Variants in ATG10 observed in about 807,000 individuals in gnomAD.
ATG10 encodes the protein ubiquitin-like-conjugating enzyme ATG10.
Under a neutral mutation model 32.1 loss-of-function variants are expected in ATG10, and 30 were observed. That is an observed-to-expected ratio of 0.94 (90% CI 0.70 to 1.27). The LOEUF is 1.27. Among genes scored for constraint, ATG10 ranks in the 50% most tolerant of loss-of-function variants. The pLI is 0.00. For missense variants in ATG10, 233 were observed against 262.3 expected (o/e 0.89, Z 0.77); for synonymous variants, 87 against 91.5 (o/e 0.95, Z 0.28).
intron 4 of ATG10, among the ~76,000 whole-genome samples, chr5:82,171,896 C>G (rs1421480806): frequency 6.6e-6 from 1 of 152,082 alleles, no homozygotes; most frequent in Non-Finnish European, 1.5e-5. Flanking sequence ...TAAAGGAAAT[C>G]AGAGATGGAT....
intron 5 of ATG10, among the ~76,000 whole-genome samples, chr5:82,194,709 G>T (rs1480072709): frequency 6.6e-6 from 1 of 152,166 alleles, no homozygotes; most frequent in Non-Finnish European, 1.5e-5. Context: ...TCACAAGGAG[G>T]CAGTTTCTAA....
At chr5:81,976,167 ATT>A (rs34643030) in intron 1 of ATG10, 30 of 141,018 alleles carry the variant, frequency 2.1e-4, no homozygotes, top group African/African-American at 3.9e-4. Context: ...TGCCCGGCTA[ATT>A]TTTTTTTTTT....
intron 5 of ATG10, among the ~76,000 whole-genome samples, chr5:82,197,124 T>C (rs761344790): frequency 6.6e-6 from 1 of 152,340 alleles, no homozygotes; most frequent in East Asian, 1.9e-4. Flanking sequence ...ATTAAATTTA[T>C]TCCTACATAT....
intron 2 of ATG10, among the ~76,000 whole-genome samples, chr5:82,043,023 G>A (rs547002423): frequency 6.6e-6 from 1 of 152,242 alleles, no homozygotes; most frequent in South Asian, 2.1e-4. Context: ...CTCTGTGTAG[G>A]GGCTCCAACC....
intron 3 of ATG10, among the ~76,000 whole-genome samples, chr5:82,095,074 A>G (rs1367744002): frequency 6.6e-6 from 1 of 152,162 alleles, no homozygotes; most frequent in East Asian, 1.9e-4. Flanking sequence ...TCAGCTAAAA[A>G]TTAAATAAAT....
At chr5:82,135,602 G>T (rs1025089700) in intron 3 of ATG10, among the ~76,000 whole-genome samples, 17 of 152,148 alleles carry the variant, frequency 1.1e-4, no homozygotes, top group South Asian at 8.3e-4. Context: ...TATGATTTCT[G>T]TTCTTTTGCA....
intron 3 of ATG10, among the ~76,000 whole-genome samples, chr5:82,061,802 A>G (rs895257748): frequency 6.8e-6 from 1 of 146,418 alleles, no homozygotes; most frequent in African/African-American, 2.5e-5. Context: ...ACGTATACAT[A>G]CATATACACA....
intron 3 of ATG10, among the ~76,000 whole-genome samples, chr5:82,068,518 G>T (rs1022565693): frequency 6.6e-6 from 1 of 151,458 alleles, no homozygotes; most frequent in Admixed American, 6.6e-5. Flanking sequence ...TGCACATTCT[G>T]CATTCTGCAC....
intron 5 of ATG10, among the ~76,000 whole-genome samples, chr5:82,236,901 TA>T (rs1362893566): frequency 6.6e-6 from 1 of 152,200 alleles, no homozygotes; most frequent in Non-Finnish European, 1.5e-5. Context: ...CTTTCCCACA[TA>T]TTTTTTTTCT....
At chr5:82,168,074 T>A (rs1473409797) in intron 4 of ATG10, among the ~76,000 whole-genome samples, 1 of 152,128 alleles carries the variant, frequency 6.6e-6, no homozygotes, top group African/African-American at 2.4e-5. Flanking sequence ...ATGCTGTTTT[T>A]TTTTTCTTTT....
At chr5:82,135,228 G>A (rs1766675803) in intron 3 of ATG10, among the ~76,000 whole-genome samples, 2 of 152,040 alleles carry the variant, frequency 1.3e-5, no homozygotes. Flanking sequence ...GTCTTCTTCA[G>A]TTCTGCTCTG....
chr5:82,069,291 A>G (rs964538080), intron 3 of ATG10, among the ~76,000 whole-genome samples: 1 of 152,074 alleles, frequency 6.6e-6, no homozygotes, highest in African/African-American at 2.4e-5. Context: ...GAGATTGACT[A>G]CTTGTCTGGA....
rs76804287 is a variant in ATG10, at chr5:81,977,135, C to T, written c.-13+4829C>T. On this transcript the variant is annotated intron_variant, in intron 1 of 7. Coordinates refer to ENST00000282185, the MANE Select transcript of ATG10 (RefSeq NM_031482.5). ...AGGCAATCCACCTGCCTTGTCCTCCCGAAGTGCTAGGATTACTTTGCCTGA... is the reference window on the plus strand; with the variant it reads ...AGGCAATCCACCTGCCTTGTCCTCCTGAAGTGCTAGGATTACTTTGCCTGA... Among the ~76,000 whole-genome samples the T allele has an allele frequency of 4.2e-3, 642 of 152,236 alleles. 1 individual carries two copies. Among genetic ancestry groups the T allele is most frequent in the Non-Finnish European group, 7.5e-3 (507 of 68,004 alleles).
At chr5:82,131,552 T>C (rs748633127) in intron 3 of ATG10, among the ~76,000 whole-genome samples, 1 of 151,960 alleles carries the variant, frequency 6.6e-6, no homozygotes, top group South Asian at 2.1e-4. Context: ...AATGAGATAA[T>C]AGAGGGAAAG....
intron 1 of ATG10, among the ~76,000 whole-genome samples, chr5:81,979,886 A>G (rs1259833813): frequency 6.7e-6 from 1 of 149,630 alleles, no homozygotes; most frequent in East Asian, 1.9e-4. Flanking sequence ...TCAGTTGTAC[A>G]TTTGCTTATG....
chr5:82,143,138 G>T (rs551225638), intron 3 of ATG10, among the ~76,000 whole-genome samples: 1 of 152,332 alleles, frequency 6.6e-6, no homozygotes, highest in Non-Finnish European at 1.5e-5. Flanking sequence ...AAGCACGGAG[G>T]TGGAGCCAGT....
At chr5:82,248,903 T>C (rs573912896) in intron 5 of ATG10, among the ~76,000 whole-genome samples, 2 of 151,818 alleles carry the variant, frequency 1.3e-5, no homozygotes, top group Admixed American at 1.3e-4. Flanking sequence ...ATATATTCTA[T>C]TTAATTATAT....
At chr5:82,085,092 A>C (rs1054479494) in intron 3 of ATG10, among the ~76,000 whole-genome samples, 4 of 152,220 alleles carry the variant, frequency 2.6e-5, no homozygotes, top group Non-Finnish European at 5.9e-5. Flanking sequence ...GACCCATCTC[A>C]CGTGCAGAGA....
intron 5 of ATG10, chr5:82,242,752 G>T: frequency 2.6e-6 from 1 of 381,178 alleles, no homozygotes; most frequent in South Asian, 2.0e-5. Context: ...CAAAAATGAG[G>T]GCAATATAAA....
Sources: allele counts gnomAD v4.1 joint callset (sites outside exome capture counted in the v4.1 genomes callset), GRCh38; gene constraint gnomAD v4.1.1; transcripts MANE v1.5; gene names NCBI Gene and HGNC (gene_info 2026-07-23, HGNC 2026-07-21).